Variants in NCK2 observed in about 807,000 individuals in gnomAD.
NCK2 encodes cytoplasmic protein NCK2.
In NCK2, 16 loss-of-function variants were observed where a neutral mutation model predicts 33.9. That is an observed-to-expected ratio of 0.47 (90% CI 0.32 to 0.72). NCK2 has a LOEUF of 0.72. NCK2 is among the 30% of genes least tolerant of loss of function. The pLI, the probability that NCK2 is intolerant of heterozygous loss-of-function variation, is 0.03. For missense variants in NCK2, 418 were observed against 537.3 expected (o/e 0.78, Z 2.19); for synonymous variants, 273 against 239.9 (o/e 1.14, Z -1.27).
At chr2:105,857,478 T>C (rs1234100179) in intron 3 of NCK2, among the ~76,000 whole-genome samples, 5 of 152,254 alleles carry the variant, frequency 3.3e-5, no homozygotes, top group Non-Finnish European at 7.3e-5. Context: ...TCTTTAACTT[T>C]CTTCCTTCCT....
At chr2:105,876,952 T>G (rs1678258979) in intron 3 of NCK2, among the ~76,000 whole-genome samples, 1 of 152,096 alleles carries the variant, frequency 6.6e-6, no homozygotes, top group African/African-American at 2.4e-5. Flanking sequence ...CTCCCAGACA[T>G]GCATGAATCC....
chr2:105,817,812 C>T (rs2104486980), intron 2 of NCK2, among the ~76,000 whole-genome samples: 1 of 152,200 alleles, frequency 6.6e-6, no homozygotes, highest in East Asian at 1.9e-4. Flanking sequence ...GAAATAGGAA[C>T]ACTTTTGCAC....
At chr2:105,828,334 A>G (rs1676033838) in intron 2 of NCK2, among the ~76,000 whole-genome samples, 1 of 152,154 alleles carries the variant, frequency 6.6e-6, no homozygotes, top group Non-Finnish European at 1.5e-5. Context: ...ATATGGCCTA[A>G]CCATATTTTT....
At chr2:105,760,015 T>C (rs1689717896) in intron 1 of NCK2, among the ~76,000 whole-genome samples, 1 of 152,048 alleles carries the variant, frequency 6.6e-6, no homozygotes, top group South Asian at 2.1e-4. Flanking sequence ...GTCAGGGGAC[T>C]CCACTGTCAA....
At chr2:105,864,240 G>A (rs1200934231) in intron 3 of NCK2, among the ~76,000 whole-genome samples, 1 of 152,148 alleles carries the variant, frequency 6.6e-6, no homozygotes, top group Non-Finnish European at 1.5e-5. Context: ...ACGACTGGAA[G>A]GGCCTGAGCC....
intron 2 of NCK2, among the ~76,000 whole-genome samples, chr2:105,825,898 TC>T (rs1675919572): frequency 6.6e-6 from 1 of 152,194 alleles, no homozygotes; most frequent in Non-Finnish European, 1.5e-5. Context: ...GTCCTGGTGA[TC>T]CGTCAGGTTT....
At chr2:105,812,103 A>G (rs1407285029) in intron 1 of NCK2, among the ~76,000 whole-genome samples, 1 of 152,230 alleles carries the variant, frequency 6.6e-6, no homozygotes, top group East Asian at 1.9e-4. Flanking sequence ...TGGAATTGAT[A>G]TAATTTCAGC....
chr2:105,798,156 A>G (rs540570055), intron 1 of NCK2, among the ~76,000 whole-genome samples: 22 of 152,350 alleles, frequency 1.4e-4, no homozygotes, highest in Non-Finnish European at 2.6e-4. Flanking sequence ...GTAGGAGCTA[A>G]TGTTCGCTTG....
rs141175090 is a variant in NCK2 at position 105,841,914 on chromosome 2, G to A, written c.-16-13134G>A. On this transcript the variant is annotated intron_variant, in intron 2 of 4. Coordinates refer to ENST00000233154, the MANE Select transcript of NCK2 (RefSeq NM_003581.5). The stretch of plus-strand genomic sequence containing the variant: ...CCCTTCAGAGAGGGGAAGGGAGCTC[G>A]CTTAGAAAATGGAGTTAAGTTGCCA... 3.3e-5 allele frequency among the ~76,000 whole-genome samples: 5 copies of A among 152,224 alleles called. No individual in the cohort carries two copies. In the East Asian group the frequency reaches 5.8e-4, roughly 18 times the overall value.
At chr2:105,825,029 T>C (rs1418519684) in intron 2 of NCK2, among the ~76,000 whole-genome samples, 1 of 152,162 alleles carries the variant, frequency 6.6e-6, no homozygotes, top group African/African-American at 2.4e-5. Context: ...GGGCCAGGTA[T>C]GGAGGGAGAT....
intron 1 of NCK2, among the ~76,000 whole-genome samples, chr2:105,805,119 G>A (rs896116231): frequency 1.3e-5 from 2 of 152,238 alleles, no homozygotes; most frequent in Non-Finnish European, 2.9e-5. Flanking sequence ...GTAAATGACA[G>A]TTGATATTAT....
chr2:105,871,043 C>G (rs1396222023), intron 3 of NCK2, among the ~76,000 whole-genome samples: 1 of 152,008 alleles, frequency 6.6e-6, no homozygotes, highest in Non-Finnish European at 1.5e-5. Context: ...CGCTCACACC[C>G]CTGGCAGTGG....
chr2:105,782,754 C>T (rs1238208717), intron 1 of NCK2, among the ~76,000 whole-genome samples: 1 of 152,092 alleles, frequency 6.6e-6, no homozygotes, highest in Non-Finnish European at 1.5e-5. Flanking sequence ...AAGTGGATGT[C>T]GGGGAGAAGA....
At chr2:105,821,650 A>G (rs1490933807) in intron 2 of NCK2, among the ~76,000 whole-genome samples, 1 of 152,106 alleles carries the variant, frequency 6.6e-6, no homozygotes, top group Admixed American at 6.5e-5. Context: ...AGCAGCTGTA[A>G]TCTATGGGGT....
intron 1 of NCK2, among the ~76,000 whole-genome samples, chr2:105,773,533 C>G (rs1211313978): frequency 6.6e-6 from 1 of 152,134 alleles, no homozygotes; most frequent in Non-Finnish European, 1.5e-5. Flanking sequence ...TGTCTGGCAT[C>G]TGTGCTTCAT....
At chr2:105,864,160 T>C (rs1320399396) in intron 3 of NCK2, among the ~76,000 whole-genome samples, 2 of 151,958 alleles carry the variant, frequency 1.3e-5, no homozygotes, top group Non-Finnish European at 2.9e-5. Context: ...CCTCGGAGGT[T>C]TCCACAGGGC....
intron 2 of NCK2, among the ~76,000 whole-genome samples, chr2:105,844,112 T>C (rs1053561548): frequency 6.6e-6 from 1 of 152,172 alleles, no homozygotes; most frequent in Non-Finnish European, 1.5e-5. Context: ...TTAGGATTTG[T>C]CTGATGTTTT....
At chr2:105,891,714 T>A (rs1219466549) in intron 4 of NCK2, among the ~76,000 whole-genome samples, 1 of 151,822 alleles carries the variant, frequency 6.6e-6, no homozygotes, top group East Asian at 1.9e-4. Flanking sequence ...GCCTGGCTAA[T>A]TTTGTATTTT....
At chr2:105,889,602 G>A (rs1291340311) in intron 4 of NCK2, among the ~76,000 whole-genome samples, 1 of 128,458 alleles carries the variant, frequency 7.8e-6, no homozygotes, top group Non-Finnish European at 1.6e-5. Flanking sequence ...TAATTATTTT[G>A]AGATAGGGTC....
Sources: gnomAD v4.1 joint callset for allele counts (sites outside exome capture counted in the v4.1 genomes callset) on GRCh38, gnomAD v4.1.1 for gene constraint, MANE v1.5 for transcripts, NCBI Gene and HGNC (gene_info 2026-07-23, HGNC 2026-07-21) for gene names.